SOX6: variants seen among roughly 807,000 people sequenced by gnomAD.
SOX6 encodes SRY-box transcription factor 6, also known as transcription factor SOX-6.
A neutral mutation model predicts 97.8 loss-of-function variants in SOX6; 11 were observed. The ratio of observed to expected loss-of-function variants is 0.11; its 90% CI spans 0.07 to 0.19. The LOEUF (loss-of-function observed/expected upper bound fraction) is 0.19. Ranked by LOEUF, SOX6 falls within the 10% of genes least tolerant of loss-of-function variation. The pLI, the probability that SOX6 is intolerant of heterozygous loss-of-function variation, is 1.00. For synonymous variants in SOX6, 360 were observed against 371.4 expected (o/e 0.97, Z 0.35); for missense variants, 810 against 1,039.5 (o/e 0.78, Z 3.04).
intron 1 of SOX6, chr11:16,382,507 A>T (rs910367639): frequency 6.6e-5 from 10 of 152,058 alleles, no homozygotes; most frequent in Non-Finnish European, 1.5e-4. Flanking sequence ...ATAGCAAATT[A>T]ATAAGGAGTG....
At chr11:16,341,365 T>C (rs769450154) in intron 1 of SOX6, 113 bp from the exon 2 acceptor site, 169 of 1,441,036 alleles carry the variant, frequency 1.2e-4, no homozygotes, top group Non-Finnish European at 1.5e-4. Context: ...TTTAGAGATA[T>C]TTGTGGTCCA....
intron 3 of SOX6, among the ~76,000 whole-genome samples, chr11:16,282,055 A>G (rs559498533): frequency 6.7e-6 from 1 of 149,764 alleles, no homozygotes; most frequent in South Asian, 2.1e-4. Flanking sequence ...TAGGAAATTC[A>G]GGACATACAA....
chr11:16,173,893 C>T lies in SOX6; in HGVS notation c.777+9993G>A, dbSNP rs1436029010. Among the ~76,000 whole-genome samples, 9 of 151,212 alleles carry T rather than the reference C, an allele frequency of 6.0e-5. No homozygotes were observed. The East Asian group carries it at 1.8e-3, about 29-fold the overall frequency. On this transcript the variant is annotated intron_variant, in intron 6 of 15. Transcript: ENST00000683767. ...AGAGACAGAGTCTTTCTCCATAGCC[C>T]AGGATGGAGTGCAGTGATCATAGCT...
chr11:16,325,070 C>T (rs1856040804), intron 2 of SOX6, among the ~76,000 whole-genome samples: 1 of 152,056 alleles, frequency 6.6e-6, no homozygotes. Flanking sequence ...ATGTTAATGG[C>T]CCTCTGAGTA....
At chr11:16,094,460 A>C (rs1194577748) in intron 9 of SOX6, among the ~76,000 whole-genome samples, 1 of 151,942 alleles carries the variant, frequency 6.6e-6, no homozygotes, top group African/African-American at 2.4e-5. Flanking sequence ...AGGAAAGTCC[A>C]ACAGGAGAGA....
At chr11:16,204,034 A>C (rs1852007493) in intron 4 of SOX6, among the ~76,000 whole-genome samples, 1 of 152,066 alleles carries the variant, frequency 6.6e-6, no homozygotes, top group South Asian at 2.1e-4. Flanking sequence ...ATGTTAATTA[A>C]CTAGATTTAG....
intron 4 of SOX6, among the ~76,000 whole-genome samples, chr11:16,535,531 G>T (rs891722385): frequency 6.6e-6 from 1 of 152,026 alleles, no homozygotes; most frequent in Non-Finnish European, 1.5e-5. Flanking sequence ...AATTAGCTGG[G>T]AACTGTGGCC....
At chr11:16,191,853 CTTTTTTTTCT>C (rs748150601) in intron 4 of SOX6, among the ~76,000 whole-genome samples, 1,220 of 87,940 alleles carry the variant, frequency 0.014, 18 homozygotes, top group African/African-American at 0.044. Flanking sequence ...TTTTTTTTTT[CTTTTTTTTCT>C]TTTTTTTTCT....
chr11:16,289,271 C>T (rs1854837852), intron 3 of SOX6, among the ~76,000 whole-genome samples: 1 of 151,706 alleles, frequency 6.6e-6, no homozygotes, highest in African/African-American at 2.4e-5. Context: ...CATACAACTC[C>T]CTGGTTGTAT....
chr11:15,971,335 C>G lies in SOX6; in HGVS notation c.*1474G>C, dbSNP rs1056406202. 8 of 152,600 alleles carry G rather than the reference C, an allele frequency of 5.2e-5. No homozygotes were observed. The highest frequency in any genetic ancestry group is 1.9e-4 in the African/African-American group (8 of 41,428). The allele number at this position is 152,600 out of a possible 1,614,324, so 9.5% of individuals were successfully genotyped here. On this transcript the variant is annotated 3_prime_UTR_variant, in exon 16 of 16. Transcript: ENST00000683767. ...AACTCCCTAGATGTGCCAGCTGGGACAAGGCAACTCAGTGTAAAGGTGCCA... is the reference window on the plus strand; with the variant it reads ...AACTCCCTAGATGTGCCAGCTGGGAGAAGGCAACTCAGTGTAAAGGTGCCA...
intron 4 of SOX6, among the ~76,000 whole-genome samples, chr11:16,528,409 A>G (rs775569443): frequency 4.6e-5 from 7 of 152,106 alleles, no homozygotes; most frequent in Non-Finnish European, 8.8e-5. Flanking sequence ...TAACTTGTCC[A>G]AAGTTATTCA....
intron 1 of SOX6, among the ~76,000 whole-genome samples, chr11:16,449,493 C>T (rs993376821): frequency 6.6e-6 from 1 of 151,958 alleles, no homozygotes; most frequent in East Asian, 1.9e-4. Flanking sequence ...AGGGTTTCAC[C>T]GTGTTAGCCA....
chr11:16,401,205 G>A (rs1259376286), intron 1 of SOX6, among the ~76,000 whole-genome samples: 1 of 151,402 alleles, frequency 6.6e-6, no homozygotes, highest in East Asian at 1.9e-4. Context: ...TTATAACAAC[G>A]CATATGAAAG....
chr11:16,486,336 T>A (rs1860433423), intron 4 of SOX6, among the ~76,000 whole-genome samples: 1 of 152,192 alleles, frequency 6.6e-6, no homozygotes, highest in Non-Finnish European at 1.5e-5. Context: ...TATTCCTTCA[T>A]GCCCCTTGCT....
chr11:16,432,502 G>A (rs903800044), intron 1 of SOX6, among the ~76,000 whole-genome samples: 10 of 151,990 alleles, frequency 6.6e-5, no homozygotes, highest in African/African-American at 2.2e-4. Flanking sequence ...TTTTCAATAC[G>A]AATTATTTTA....
At chr11:16,070,777 C>CG (rs1207536329) in intron 9 of SOX6, among the ~76,000 whole-genome samples, 7 of 151,982 alleles carry the variant, frequency 4.6e-5, no homozygotes, top group South Asian at 2.1e-4. Flanking sequence ...AGCCCCCTGG[C>CG]GGGGGGGCAC....
intron 11 of SOX6, 188 bp downstream of exon 11, chr11:16,049,567 T>C (rs774297588): frequency 1.2e-4 from 78 of 675,090 alleles, no homozygotes; most frequent in Admixed American, 2.3e-4. Context: ...GCAGGATTTA[T>C]ATTATGACCT....
intron 4 of SOX6, among the ~76,000 whole-genome samples, chr11:16,500,230 T>C (rs554891203): frequency 1.3e-5 from 2 of 152,324 alleles, no homozygotes; most frequent in African/African-American, 4.8e-5. Context: ...CCTCAATAGA[T>C]GCAGAAAAGG....
intron 3 of SOX6, among the ~76,000 whole-genome samples, chr11:16,301,778 A>G (rs1565078502): frequency 6.6e-6 from 1 of 152,150 alleles, no homozygotes; most frequent in Non-Finnish European, 1.5e-5. Context: ...ATTTGAAGTG[A>G]GTATCTAAGA....
Sources: gnomAD v4.1 joint callset for allele counts (sites outside exome capture counted in the v4.1 genomes callset) on GRCh38, gnomAD v4.1.1 for gene constraint, MANE v1.5 for transcripts, NCBI Gene and HGNC (gene_info 2026-07-23, HGNC 2026-07-21) for gene names.